RBFOX1: variants seen among roughly 807,000 people sequenced by gnomAD.
RBFOX1 encodes RNA binding fox-1 homolog 1.
A neutral mutation model predicts 57.7 loss-of-function variants in RBFOX1; 8 were observed. The ratio of observed to expected loss-of-function variants is 0.14; its 90% CI spans 0.08 to 0.25. The LOEUF is 0.25. Among genes scored for constraint, RBFOX1 ranks in the 10% least tolerant of loss-of-function variants. The pLI is 1.00. For synonymous variants in RBFOX1, 326 were observed against 222.4 expected (o/e 1.47, Z -4.15); for missense variants, 611 against 548.5 (o/e 1.11, Z -1.14).
chr16:5,971,530 A>T (rs894170827), intron 4 of RBFOX1, among the ~76,000 whole-genome samples: 10 of 152,172 alleles, frequency 6.6e-5, no homozygotes, highest in African/African-American at 2.2e-4. Context: ...GTGTTTAAGG[A>T]AAGCAAATAA....
chr16:6,947,139 G>C (rs184045042), intron 3 of RBFOX1, among the ~76,000 whole-genome samples: 1 of 152,236 alleles, frequency 6.6e-6, no homozygotes, highest in Admixed American at 6.5e-5. Context: ...CACATAACCT[G>C]GCCCATGTTC....
At chr16:7,288,847 T>A (rs929057289) in intron 4 of RBFOX1, among the ~76,000 whole-genome samples, 4 of 152,148 alleles carry the variant, frequency 2.6e-5, no homozygotes, top group African/African-American at 9.7e-5. Context: ...TCTCAAAAAC[T>A]TTGTTGTTAC....
At chr16:6,388,959 C>A (rs976354372) in intron 2 of RBFOX1, among the ~76,000 whole-genome samples, 6 of 152,140 alleles carry the variant, frequency 3.9e-5, no homozygotes, top group Non-Finnish European at 8.8e-5. Flanking sequence ...AGATGTTGGA[C>A]AATGACATCA....
intron 1 of RBFOX1, among the ~76,000 whole-genome samples, chr16:5,277,551 C>A (rs537052895): frequency 6.6e-6 from 1 of 152,152 alleles, no homozygotes; most frequent in Non-Finnish European, 1.5e-5. Context: ...CATTAATCAA[C>A]CTCTTTTCAA....
intron 3 of RBFOX1, among the ~76,000 whole-genome samples, chr16:6,685,770 C>T (rs562981603): frequency 4.4e-4 from 67 of 152,220 alleles, no homozygotes; most frequent in Non-Finnish European, 9.3e-4. Context: ...TTTTTCCCTC[C>T]AAGCACCTGA....
chr16:6,566,959 C>G (rs1037463277), intron 2 of RBFOX1, among the ~76,000 whole-genome samples: 4 of 152,164 alleles, frequency 2.6e-5, no homozygotes, highest in Non-Finnish European at 4.4e-5. Context: ...TTTACAGACT[C>G]TAAGTTAACT....
At chr16:7,085,066 T>C (rs996504256) in intron 4 of RBFOX1, among the ~76,000 whole-genome samples, 2 of 151,936 alleles carry the variant, frequency 1.3e-5, no homozygotes, top group Non-Finnish European at 2.9e-5. Flanking sequence ...TATTATATTG[T>C]AAAAGTTCTA....
At chr16:6,224,466 G>A (rs1447829933) in intron 1 of RBFOX1, among the ~76,000 whole-genome samples, 2 of 152,080 alleles carry the variant, frequency 1.3e-5, no homozygotes, top group South Asian at 2.1e-4. Context: ...CTTAGGCAGT[G>A]CTGATGTTGC....
chr16:6,827,483 A>C (rs1279674027), intron 3 of RBFOX1, among the ~76,000 whole-genome samples: 1 of 152,150 alleles, frequency 6.6e-6, no homozygotes, highest in Non-Finnish European at 1.5e-5. Context: ...CCTGAGGGTT[A>C]TTCATCACAC....
At chr16:6,122,802 A>ATG (rs4038155) in intron 1 of RBFOX1, among the ~76,000 whole-genome samples, 9,064 of 147,780 alleles carry the variant, frequency 0.061, 322 homozygotes, top group African/African-American at 0.1. Flanking sequence ...ATGTGTGTGT[A>ATG]TGTGTGTGTG....
At chr16:7,495,452 C>A (rs796287126) in intron 4 of RBFOX1, among the ~76,000 whole-genome samples, 1 of 152,198 alleles carries the variant, frequency 6.6e-6, no homozygotes, top group Non-Finnish European at 1.5e-5. Flanking sequence ...TATCAGCCAT[C>A]CTTTTTCTCT....
chr16:6,456,764 C>A (rs760930344), intron 2 of RBFOX1, among the ~76,000 whole-genome samples: 5 of 152,080 alleles, frequency 3.3e-5, no homozygotes, highest in Non-Finnish European at 7.4e-5. Context: ...GCAAGATAAA[C>A]TATTTAACTT....
chr16:5,700,814 T>C (rs992586272), intron 3 of RBFOX1, among the ~76,000 whole-genome samples: 1 of 152,154 alleles, frequency 6.6e-6, no homozygotes, highest in African/African-American at 2.4e-5. Flanking sequence ...CTTCCTATGA[T>C]CTCAATTTGG....
intron 3 of RBFOX1, among the ~76,000 whole-genome samples, chr16:7,046,822 T>C (rs1206281850): frequency 6.6e-6 from 1 of 152,090 alleles, no homozygotes; most frequent in Non-Finnish European, 1.5e-5. Flanking sequence ...ACCAGACTGG[T>C]CTTGAACTCC....
intron 1 of RBFOX1, among the ~76,000 whole-genome samples, chr16:5,421,018 C>T (rs1192934257): frequency 2.1e-5 from 3 of 142,958 alleles, no homozygotes; most frequent in Admixed American, 1.4e-4. Flanking sequence ...CTTCCTTCTT[C>T]TTTTTTGAGA....
intron 4 of RBFOX1, among the ~76,000 whole-genome samples, chr16:7,476,275 G>C (rs1397711590): frequency 6.6e-6 from 1 of 152,206 alleles, no homozygotes; most frequent in East Asian, 1.9e-4. Context: ...TTCTGGCCTA[G>C]TCAGAATATT....
intron 1 of RBFOX1, among the ~76,000 whole-genome samples, chr16:5,355,098 G>T (rs556791808): frequency 6.6e-6 from 1 of 151,380 alleles, no homozygotes; most frequent in African/African-American, 2.4e-5. Context: ...AGAGAGAGAG[G>T]GAGGGATTCA....
At chr16:6,273,748 C>T (rs762298155) in intron 1 of RBFOX1, among the ~76,000 whole-genome samples, 3 of 152,030 alleles carry the variant, frequency 2.0e-5, no homozygotes, top group African/African-American at 7.2e-5. Context: ...CGGCAAAACA[C>T]CCTGCTAAGT....
intron 3 of RBFOX1, among the ~76,000 whole-genome samples, chr16:5,682,521 G>C (rs577024363): frequency 1.3e-5 from 2 of 152,316 alleles, no homozygotes; most frequent in African/African-American, 4.8e-5. Context: ...ATGACCATTT[G>C]TTAATCCCTG....
Sources: allele counts gnomAD v4.1 joint callset (sites outside exome capture counted in the v4.1 genomes callset), GRCh38; gene constraint gnomAD v4.1.1; transcripts MANE v1.5; gene names NCBI Gene and HGNC (gene_info 2026-07-23, HGNC 2026-07-21).